Variants in ZNF362 observed in about 807,000 individuals in gnomAD.
ZNF362 encodes the protein zinc finger protein 362.
Under a neutral mutation model 42.9 loss-of-function variants are expected in ZNF362, and 11 were observed. The ratio of observed to expected loss-of-function variants is 0.26; its 90% CI spans 0.16 to 0.42. The LOEUF is 0.42. Among genes scored for constraint, ZNF362 ranks in the 20% least tolerant of loss-of-function variants. The probability of loss-of-function intolerance (pLI) is 1.00; values close to 1 mark genes in which losing one functional copy is unlikely to be tolerated. For synonymous variants in ZNF362, 255 were observed against 257.3 expected (o/e 0.99, Z 0.09); for missense variants, 362 against 576.2 (o/e 0.63, Z 3.81).
At chr1:33,242,674 G>T in the ZNF362 span, among the ~76,000 whole-genome samples, 1 of 152,152 alleles carries the variant, frequency 6.6e-6, no homozygotes, top group Admixed American at 6.5e-5. Flanking sequence ...AGCGATGGAG[G>T]TGGGTTGAGA....
At chr1:33,215,499 C>T in the ZNF362 span, among the ~76,000 whole-genome samples, 1 of 151,986 alleles carries the variant, frequency 6.6e-6, no homozygotes, top group Non-Finnish European at 1.5e-5. Context: ...TTAAAAATAA[C>T]TAAAAGAGTG....
At chr1:33,296,634 G>GGAGAAA (rs1184771252) in intron 8 of ZNF362, among the ~76,000 whole-genome samples, 2 of 134,284 alleles carry the variant, frequency 1.5e-5, no homozygotes, top group Non-Finnish European at 3.3e-5. Context: ...TGGATGAGGA[G>GGAGAAA]GAGAAAGAGG....
At chr1:33,136,142 C>G in the ZNF362 span, among the ~76,000 whole-genome samples, 1 of 147,634 alleles carries the variant, frequency 6.8e-6, no homozygotes, top group Non-Finnish European at 1.5e-5. Flanking sequence ...TTCCTTCCTT[C>G]CTTCCTTCCT....
Position 33,269,084 on chromosome 1 carries a change from G to T in ZNF362, c.-88-1403G>T, listed in dbSNP as rs11806662. Among the ~76,000 whole-genome samples, 241 of 152,158 alleles carry T rather than the reference G, an allele frequency of 1.6e-3. 1 individual carries two copies. Among genetic ancestry groups the T allele is most frequent in the African/African-American group, 5.0e-3 (206 of 41,486 alleles). ...TACAGATTGAATGCCACCTCTTCCG[G>T]ATAGCCCTTCCTGACACCCACCCTC... On this transcript the variant is annotated intron_variant, in intron 1 of 8. Coordinates refer to ENST00000539719, the MANE Select transcript of ZNF362 (RefSeq NM_152493.3).
chr1:33,197,326 T>C, the ZNF362 span, among the ~76,000 whole-genome samples: 1 of 152,200 alleles, frequency 6.6e-6, no homozygotes, highest in African/African-American at 2.4e-5. Flanking sequence ...TGTAATCGTG[T>C]GAGCCAATCC....
At chr1:33,165,235 G>A in the ZNF362 span, 20 of 420,252 alleles carry the variant, frequency 4.8e-5, no homozygotes, top group South Asian at 7.6e-4. This position sits in a 1 kb window ranked among gnomAD's most constrained non-coding sequence, Gnocchi z 4.0. Flanking sequence ...GTCCTTAACC[G>A]AGGGACCAGC....
chr1:33,260,327 C>T (rs1451902148), intron 1 of ZNF362, among the ~76,000 whole-genome samples: 1 of 152,234 alleles, frequency 6.6e-6, no homozygotes, highest in East Asian at 1.9e-4. Flanking sequence ...CCCATTGCCA[C>T]CTCCAGCCAC....
chr1:33,289,748 C>A (rs559223421), intron 6 of ZNF362, among the ~76,000 whole-genome samples: 1 of 152,284 alleles, frequency 6.6e-6, no homozygotes, highest in Admixed American at 6.5e-5. Flanking sequence ...TGAGCCCATG[C>A]CAGGCGCTGG....
the ZNF362 span, among the ~76,000 whole-genome samples, chr1:33,202,594 TA>T: frequency 5.3e-4 from 73 of 137,362 alleles, 1 homozygote; most frequent in African/African-American, 1.3e-3. Flanking sequence ...CGAGACTCCA[TA>T]AAAAAAAAAA....
At chr1:33,173,526 C>A in the ZNF362 span, among the ~76,000 whole-genome samples, 1 of 152,136 alleles carries the variant, frequency 6.6e-6, no homozygotes, top group African/African-American at 2.4e-5. Context: ...CTTACCTCCT[C>A]CTGCCACACC....
chr1:33,263,921 C>T lies in ZNF362; in HGVS notation c.-88-6566C>T, dbSNP rs571314209. 2.6e-5 allele frequency among the ~76,000 whole-genome samples: 4 copies of T among 152,260 alleles called. No homozygotes were observed. In the South Asian group the frequency reaches 8.3e-4, roughly 32 times the overall value. On this transcript the variant is annotated intron_variant, in intron 1 of 8. Transcript: ENST00000539719. ...GTAGCCGGTCTTCCCTGGCCTGTTCCCCGCGAGCCATTTGTCCACCCCACA... is the reference window on the plus strand; with the variant it reads ...GTAGCCGGTCTTCCCTGGCCTGTTCTCCGCGAGCCATTTGTCCACCCCACA...
chr1:33,291,831 C>T (rs562979990), intron 6 of ZNF362, among the ~76,000 whole-genome samples: 3 of 152,236 alleles, frequency 2.0e-5, no homozygotes, highest in Admixed American at 6.5e-5. Flanking sequence ...CTCTTTGAAG[C>T]AATTGTGAAT....
At chr1:33,256,880 G>A (rs1022744960) in intron 1 of ZNF362, among the ~76,000 whole-genome samples, 86 of 150,288 alleles carry the variant, frequency 5.7e-4, no homozygotes, top group African/African-American at 2.0e-3. Context: ...TGTCTCCCGC[G>A]GCGTGTCTGG....
At chr1:33,178,727 G>A in the ZNF362 span, among the ~76,000 whole-genome samples, 1 of 152,224 alleles carries the variant, frequency 6.6e-6, no homozygotes, top group Admixed American at 6.5e-5. Context: ...AGCAGGTTTG[G>A]AACCCAAGTA....
chr1:33,176,835 C>T, the ZNF362 span, among the ~76,000 whole-genome samples: 1 of 152,158 alleles, frequency 6.6e-6, no homozygotes, highest in Non-Finnish European at 1.5e-5. Flanking sequence ...ATAACAATAC[C>T]CATCCCACAG....
At chr1:33,171,058 T>G in the ZNF362 span, among the ~76,000 whole-genome samples, 2 of 152,142 alleles carry the variant, frequency 1.3e-5, no homozygotes, top group Non-Finnish European at 2.9e-5. Flanking sequence ...AGGAAGAGGC[T>G]GCAGGGACCA....
the ZNF362 span, among the ~76,000 whole-genome samples, chr1:33,216,937 C>T: frequency 3.3e-5 from 5 of 151,388 alleles, 1 homozygote; most frequent in East Asian, 5.9e-4. Context: ...CAAGCAGAGG[C>T]GACGCGTGGG....
upstream of ZNF362, chr1:33,256,450 CCCGCCGCCG>C (rs761575797): frequency 3.2e-5 from 5 of 157,318 alleles, no homozygotes; most frequent in African/African-American, 1.0e-4. Flanking sequence ...GACCCAGCCT[CCCGCCGCCG>C]CCGCCGCCGC....
chr1:33,141,681 G>A, the ZNF362 span, among the ~76,000 whole-genome samples: 14 of 152,018 alleles, frequency 9.2e-5, no homozygotes, highest in Non-Finnish European at 1.8e-4. Context: ...TTCAAGGGAG[G>A]GGGGAGCATT....
Sources: gnomAD v4.1 joint callset for allele counts (sites outside exome capture counted in the v4.1 genomes callset) on GRCh38, gnomAD v4.1.1 for gene constraint, Gnocchi (gnomAD v3.1) non-coding constraint, MANE v1.5 for transcripts, NCBI Gene and HGNC (gene_info 2026-07-23, HGNC 2026-07-21) for gene names.